CRELD2: variants seen among roughly 807,000 people sequenced by gnomAD.
CRELD2 encodes CRELD disulfide isomerase 2, also known as protein disulfide isomerase CRELD2.
Under a neutral mutation model 48.1 loss-of-function variants are expected in CRELD2, and 33 were observed. That is an observed-to-expected ratio of 0.69 (90% confidence interval 0.52 to 0.92). The LOEUF is 0.92. Among genes scored for constraint, CRELD2 ranks in the 40% least tolerant of loss-of-function variants. CRELD2 has a pLI of 0.00. For synonymous variants in CRELD2, 220 were observed against 203.9 expected (o/e 1.08, Z -0.67); for missense variants, 477 against 482.4 (o/e 0.99, Z 0.10).
rs779506863 is a variant in CRELD2, at chr22:49,925,452, G to A, written c.904G>A (p.Val302Met). The A allele has an allele frequency of 1.2e-6, 2 of 1,613,576 alleles. No individual in the cohort carries two copies. The highest frequency in any genetic ancestry group is 1.3e-5 in the African/African-American group (1 of 75,068). ...DECSLAEKTC[V>M]RKNENCYNTP... ...GTGCTCACTAGCAGAAAAAACCTGTGTGAGGAAAAACGAAAACTGCTACAA... is the reference window on the plus strand; with the variant it reads ...GTGCTCACTAGCAGAAAAAACCTGTATGAGGAAAAACGAAAACTGCTACAA... Residue 302 changes from valine (V) to methionine (M), a missense_variant, in exon 9 of 10, where the codon GTG becomes ATG. Val to Met is a conservative substitution (Grantham distance 21). Transcript: ENST00000328268.
Position 49,927,358 on chromosome 22 carries a change from G to A in CRELD2, c.*51G>A, listed in dbSNP as rs2060779703. ...TTCAGAAGGATGTCCCGTGGAAAAT[G>A]TGGCCCTGAGGATGCCGTCTCCTGC... On this transcript the variant is annotated 3_prime_UTR_variant, in exon 10 of 10. Coordinates refer to ENST00000328268, the MANE Select transcript of CRELD2 (RefSeq NM_024324.5). 5.2e-6 allele frequency: 8 copies of A among 1,530,414 alleles called. No individual in the cohort carries two copies. The highest frequency in any genetic ancestry group is 1.4e-5 in the African/African-American group (1 of 73,134). The allele number at this position is 1,530,414 out of a possible 1,614,324, so 94.8% of individuals were successfully genotyped here.
intron 1 of CRELD2, 136 bp downstream of exon 1, chr22:49,919,034 C>T: frequency 1.1e-5 from 8 of 706,280 alleles, no homozygotes; most frequent in Non-Finnish European, 1.7e-5. Flanking sequence ...ATTCGGGATC[C>T]CCCTCACCGT....
intron 5 of CRELD2, 191 bp from the exon 6 acceptor site, chr22:49,922,421 A>G (rs1374994714): frequency 6.2e-7 from 1 of 1,603,770 alleles, no homozygotes; most frequent in South Asian, 1.1e-5. Flanking sequence ...GCTCCAGAGT[A>G]TGGATAGCTG....
intron 7 of CRELD2, chr22:49,923,685 A>C (rs188268529): frequency 1.4e-4 from 53 of 384,408 alleles, no homozygotes; most frequent in Non-Finnish European, 2.0e-4. Context: ...CTGTCACGCT[A>C]ATGATTTTGG....
At position 49,919,866 on chromosome 22, in the gene CRELD2, G is replaced by A. The variant is rs374000659; in HGVS notation, c.323+26G>A. ...GTGAGTGCCTTAAAACCTCTTAGAA[G>A]ATACTTTTTATTTTCCAACTTAGAA... On this transcript the variant is annotated intron_variant, in intron 3 of 9. Transcript: ENST00000328268. 4.1e-6 allele frequency: 6 copies of A among 1,475,264 alleles called. No individual in the cohort carries two copies. The African/African-American group carries it at 5.6e-5, about 14-fold the overall frequency. The allele number at this position is 1,475,264 out of a possible 1,614,324, so 91.4% of individuals were successfully genotyped here.
chr22:49,923,336 T>TCTGAACTCCGGGGC lies in CRELD2; in HGVS notation c.772+22_772+23insAACTCCGGGGCCTG, dbSNP rs2060722016. 1 of 1,564,986 alleles carries TCTGAACTCCGGGGC rather than the reference T, an allele frequency of 6.4e-7. No individual in the cohort carries two copies. The highest frequency in any genetic ancestry group is 8.8e-7 in the Non-Finnish European group (1 of 1,140,140). ...TGCGAAGGTGGGCCAGGCGGGCGGG[T>TCTGAACTCCGGGGC]CTGCACTCCGGGGCCTGCCGGGTTT... On this transcript the variant is annotated intron_variant, in intron 7 of 9. Coordinates refer to ENST00000328268, the MANE Select transcript of CRELD2 (RefSeq NM_024324.5).
At chr22:49,921,523 G>A (rs2060686609) in intron 4 of CRELD2, 62 bp from the exon 5 acceptor site, 2 of 1,540,406 alleles carry the variant, frequency 1.3e-6, no homozygotes, top group African/African-American at 2.7e-5. Flanking sequence ...TTCTCTCCGT[G>A]TGAGAACACC....
chr22:49,918,868 G>A lies in CRELD2; in HGVS notation c.99G>A (p.Arg33=). 7.7e-7 allele frequency: 1 copy of A among 1,303,912 alleles called. No individual in the cohort carries two copies. The highest frequency in any genetic ancestry group is 2.2e-5 in the South Asian group (1 of 46,466). The allele number at this position is 1,303,912 out of a possible 1,614,324, so 80.8% of individuals were successfully genotyped here. ...EAAKKPTPCH[R]CRGLVDKFNQ... is the part of the protein sequence containing the mutation. ...CCAAGAAGCCGACGCCCTGCCACCG[G>A]TGCCGGGGGCTGGTGGACAAGTTTA... The change falls in exon 1 of 10, where the codon CGG becomes CGA. Residue 33 remains arginine (R), a synonymous_variant. Coordinates refer to ENST00000328268, the MANE Select transcript of CRELD2 (RefSeq NM_024324.5).
At chr22:49,923,112 C>A in intron 6 of CRELD2, 122 bp from the exon 7 acceptor site, 1 of 713,420 alleles carries the variant, frequency 1.4e-6, no homozygotes, top group Non-Finnish European at 2.3e-6. Flanking sequence ...TCAGGGGCTG[C>A]CCTCCTCCCT....
chr22:49,926,582 C>T (rs1318503198), intron 9 of CRELD2: 1 of 151,296 alleles, frequency 6.6e-6, no homozygotes, highest in African/African-American at 2.5e-5. Context: ...CCCCTCTGCC[C>T]TGGGCTGGCC....
intron 5 of CRELD2, chr22:49,922,254 G>C (rs117735284): frequency 0.023 from 36,356 of 1,563,718 alleles, 529 homozygotes; most frequent in Non-Finnish European, 0.027. Context: ...CCCGTGGATC[G>C]ATAGTCAGGA....
intron 4 of CRELD2, 150 bp from the exon 5 acceptor site, chr22:49,921,435 C>G (rs2060685686): frequency 1.2e-6 from 1 of 807,588 alleles, no homozygotes; most frequent in Admixed American, 3.0e-5. Context: ...CCCAGGAAAT[C>G]AGTTTCCCCA....
chr22:49,922,870 G>GAGGTC, intron 6 of CRELD2, among the ~76,000 whole-genome samples, 163 bp downstream of exon 6: 1 of 103,648 alleles, frequency 9.6e-6, no homozygotes, highest in East Asian at 3.3e-4. Flanking sequence ...CTTGGGGTGT[G>GAGGTC]GGGGGCGTGA....
intron 1 of CRELD2, 86 bp from the exon 2 acceptor site, chr22:49,919,144 A>G (rs1432622260): frequency 3.7e-6 from 5 of 1,341,690 alleles, no homozygotes; most frequent in African/African-American, 1.5e-5. Context: ...GTGGGCCTGG[A>G]GTCCCCTCAC....
intron 9 of CRELD2, 106 bp from the exon 10 acceptor site, chr22:49,927,149 A>C: frequency 2.0e-6 from 2 of 1,003,126 alleles, no homozygotes; most frequent in Non-Finnish European, 3.2e-6. Flanking sequence ...GCTTTGAGCC[A>C]GGACTGGACG....
chr22:49,925,766 A>G, intron 9 of CRELD2: 1 of 1,394,494 alleles, frequency 7.2e-7, no homozygotes, highest in Non-Finnish European at 9.3e-7. Flanking sequence ...CCAGGTTCAC[A>G]GCTCAAACGG....
chr22:49,921,083 C>T (rs897705472), intron 4 of CRELD2, among the ~76,000 whole-genome samples: 7 of 152,228 alleles, frequency 4.6e-5, no homozygotes, highest in East Asian at 1.9e-4. Context: ...ACACGCCACA[C>T]GCCTAGATGG....
At chr22:49,921,462 C>T in intron 4 of CRELD2, 123 bp from the exon 5 acceptor site, 1 of 1,056,860 alleles carries the variant, frequency 9.5e-7, no homozygotes, top group East Asian at 2.6e-5. Flanking sequence ...CACTCCAAGC[C>T]TTCAGGCTCA....
chr22:49,927,252 CAG>C lies in CRELD2; in HGVS notation c.1010-1_1010del. 9 of 1,612,244 alleles carry C rather than the reference CAG, an allele frequency of 5.6e-6. No individual in the cohort carries two copies. Among genetic ancestry groups the C allele is most frequent in the Non-Finnish European group, 7.6e-6 (9 of 1,179,696 alleles). ...TTGACGACCTATGCTTGTTTTCTGA[CAG>C]AAGCCACAGAAGGAGAAAGCCCGAC... On this transcript the variant is annotated splice_acceptor_variant, in intron 9 of 9. Coordinates refer to ENST00000328268, the MANE Select transcript of CRELD2 (RefSeq NM_024324.5). LOFTEE classifies it high-confidence loss of function.
Sources: gnomAD v4.1 joint callset for allele counts (sites outside exome capture counted in the v4.1 genomes callset) on GRCh38, gnomAD v4.1.1 for gene constraint, MANE v1.5 for transcripts, NCBI Gene and HGNC (gene_info 2026-07-23, HGNC 2026-07-21) for gene names.